Variants in EPG5 observed in about 807,000 individuals in gnomAD.
EPG5 encodes the protein ectopic P-granules 5 autophagy tethering factor, also known as ectopic P granules protein 5 homolog.
A neutral mutation model predicts 302.7 loss-of-function variants in EPG5; 159 were observed. That is an observed-to-expected ratio of 0.53 (90% CI 0.46 to 0.60). The LOEUF (loss-of-function observed/expected upper bound fraction) is 0.60, where lower values mean the gene tolerates loss of function less well. Ranked by LOEUF, EPG5 falls within the 20% of genes least tolerant of loss-of-function variation. EPG5 has a pLI of 0.00. For missense variants in EPG5, 2,896 were observed against 3,092.4 expected (o/e 0.94, Z 1.51); for synonymous variants, 1,158 against 1,136.8 (o/e 1.02, Z -0.37).
the EPG5 span, among the ~76,000 whole-genome samples, chr18:45,812,115 C>A: frequency 6.6e-6 from 1 of 152,170 alleles, no homozygotes; most frequent in Non-Finnish European, 1.5e-5. Flanking sequence ...CATTCTTATA[C>A]ACCAATAACA....
At position 45,879,123 on chromosome 18, in the gene EPG5, C is replaced by A; in HGVS notation, c.5759G>T (p.Trp1920Leu). The A allele has an allele frequency of 6.2e-7, 1 of 1,614,028 alleles. No homozygotes were observed. Among genetic ancestry groups the A allele is most frequent in the East Asian group, 2.2e-5 (1 of 44,868 alleles). Residue 1920 changes from tryptophan to leucine, a missense_variant, in exon 33 of 44, where the codon TGG (tryptophan) becomes TTG (leucine). By Grantham distance (61) the Trp-to-Leu change is moderately conservative. Coordinates refer to ENST00000282041, the MANE Select transcript of EPG5 (RefSeq NM_020964.3). The part of the protein sequence containing the change: ...DFKSFGLFSK[W>L]SPYMADVKTF... ...CTTCACATCAGCCATATAAGGACTC[C>A]ATTTTGAGAATAAACCAAAGCTTTT...
chr18:45,843,639 G>C (rs754208458), downstream of EPG5: 1 of 152,340 alleles, frequency 6.6e-6, no homozygotes, highest in South Asian at 2.1e-4. Flanking sequence ...AGCACCCTGG[G>C]AGGCCGAGGC....
chr18:45,952,471 T>C lies in EPG5; in HGVS notation c.1181A>G (p.Glu394Gly). The C allele has an allele frequency of 6.2e-7, 1 of 1,614,208 alleles. No individual in the cohort carries two copies. Among genetic ancestry groups the C allele is most frequent in the African/African-American group, 1.3e-5 (1 of 75,062 alleles). The change falls in exon 3 of 44, where the codon GAG becomes GGG. Residue 394 changes from glutamate (E) to glycine (G), a missense_variant. Around this residue, in one of 5 missense-constraint regions of EPG5, gnomAD observed 1,390 missense variants for 1,430.0 expected, o/e 0.97. Coordinates refer to ENST00000282041, the MANE Select transcript of EPG5 (RefSeq NM_020964.3). ...YTSVLSRLQV[E>G]SYIYALLSSS... is the part of the protein sequence containing the mutation. ...ACTGAGCAATGCATAGATGTAAGAC[T>C]CCACTTGCAATCTTGAGAGCACAGA...
intron 27 of EPG5, among the ~76,000 whole-genome samples, chr18:45,891,494 G>A (rs1346912755): frequency 1.3e-4 from 16 of 127,514 alleles, no homozygotes; most frequent in Admixed American, 7.9e-4. Context: ...GTGAGACTCC[G>A]TCTCAAAAAA....
At position 45,954,504 on chromosome 18, in the gene EPG5, A is replaced by G. The variant is rs1182237956; in HGVS notation, c.898T>C (p.Cys300Arg). Residue 300 changes from cysteine (C) to arginine (R), a missense_variant, in exon 2 of 44, where the codon TGT becomes CGT. Coordinates refer to ENST00000282041, the MANE Select transcript of EPG5 (RefSeq NM_020964.3). ...TCAGCCAGCAGCAGTTGCTTCCTAC[A>G]TCGTGAGTAGTTCAAAAGCAACTCA... ...FYELLLNYSR[C>R]RKQLLLAEAE... 5 of 1,614,266 alleles carry G rather than the reference A, an allele frequency of 3.1e-6. No homozygotes were observed. Among genetic ancestry groups the G allele is most frequent in the East Asian group, 2.2e-5 (1 of 44,894 alleles).
At chr18:45,877,021 T>C (rs190975482) in intron 34 of EPG5, among the ~76,000 whole-genome samples, 11 of 152,236 alleles carry the variant, frequency 7.2e-5, no homozygotes, top group African/African-American at 2.6e-4. Flanking sequence ...TGACCTCAAG[T>C]GATCCACCTG....
At chr18:45,943,019 G>C (rs2050704474) in intron 9 of EPG5, 142 bp downstream of exon 9, 1 of 750,498 alleles carries the variant, frequency 1.3e-6, no homozygotes, top group Admixed American at 2.6e-5. Flanking sequence ...CCATCTTATA[G>C]ATGGTGAAGA....
chr18:45,876,265 C>T lies in EPG5; in HGVS notation c.6020G>A (p.Cys2007Tyr). The T allele has an allele frequency of 1.2e-6, 2 of 1,613,862 alleles. No homozygotes were observed. The highest frequency in any genetic ancestry group is 4.5e-5 in the East Asian group (2 of 44,882). ...AAAACTCTCATGCAGTGAGTCAATA[C>T]AGTCAGTGAACAGCTGCACAATGCT... ...ASSIVQLFTD[C>Y]IDSLHESFKD... Residue 2007 changes from cysteine to tyrosine, a missense_variant, in exon 35 of 44, where the codon TGT becomes TAT. Cys to Tyr is a radical substitution (Grantham distance 194). This residue lies in a region of EPG5 where 620 missense variants were observed against 704.2 expected (regional missense o/e 0.88). Transcript: ENST00000282041.
intron 39 of EPG5, among the ~76,000 whole-genome samples, chr18:45,862,668 C>T (rs377433371): frequency 1.3e-5 from 2 of 152,190 alleles, no homozygotes; most frequent in African/African-American, 2.4e-5. Flanking sequence ...TCTCACTCTG[C>T]GTTCTGCCGT....
intron 25 of EPG5, among the ~76,000 whole-genome samples, chr18:45,902,270 C>T (rs560662455): frequency 5.3e-5 from 8 of 152,296 alleles, no homozygotes; most frequent in African/African-American, 1.4e-4. Context: ...AGGTCAAGTA[C>T]AGCACTATCC....
chr18:45,905,866 T>A (rs1451481568), intron 24 of EPG5, among the ~76,000 whole-genome samples: 1 of 152,192 alleles, frequency 6.6e-6, no homozygotes, highest in Admixed American at 6.5e-5. Context: ...AAGCCTTGGA[T>A]ATGGATGAGG....
Position 45,917,733 on chromosome 18 carries a change from T to C in EPG5, c.3185A>G (p.Asp1062Gly), listed in dbSNP as rs1223082350. The C allele has an allele frequency of 6.2e-7, 1 of 1,614,160 alleles. No individual in the cohort carries two copies. Residue 1062 changes from aspartate to glycine, a missense_variant, in exon 17 of 44, where the codon GAT (aspartate) becomes GGT (glycine). Coordinates refer to ENST00000282041, the MANE Select transcript of EPG5 (RefSeq NM_020964.3). ...AGGGTAAAATAAAGGCAGAATCTTA[T>C]CCAGGACATGAACCACTGTTCTCAA... ...RHLRTVVHVL[D>G]KILPLFYPCQ...
the EPG5 span, among the ~76,000 whole-genome samples, chr18:45,832,274 C>G: frequency 6.6e-6 from 1 of 152,120 alleles, no homozygotes; most frequent in Non-Finnish European, 1.5e-5. Context: ...ATAACTTGCC[C>G]AAAGATCACC....
chr18:45,966,995 T>C (rs1599672321), intron 1 of EPG5, among the ~76,000 whole-genome samples, 182 bp downstream of exon 1: 2 of 151,504 alleles, frequency 1.3e-5, no homozygotes, highest in East Asian at 3.9e-4. Flanking sequence ...CAGGGGGATA[T>C]GGAGAAGGAA....
Position 45,889,992 on chromosome 18 carries a change from C to T in EPG5, c.4810-52G>A, listed in dbSNP as rs186162998. On this transcript the variant is annotated intron_variant, in intron 27 of 43. Coordinates refer to ENST00000282041, the MANE Select transcript of EPG5 (RefSeq NM_020964.3). ...ACATTTCCCCCCATGTGTCAGGTTT[C>T]CCATGAAGACTCAAACTGAAATAAA... The T allele has an allele frequency of 1.0e-3, 1,466 of 1,445,826 alleles. 16 individuals are homozygous for T. In the African/African-American group the frequency reaches 0.014, roughly 14 times the overall value. 89.6% of individuals were successfully genotyped at this position (1,445,826 alleles called of 1,614,324 possible).
chr18:45,913,936 G>A, intron 20 of EPG5, 108 bp from the exon 21 acceptor site: 1 of 1,366,520 alleles, frequency 7.3e-7, no homozygotes, highest in East Asian at 2.4e-5. Flanking sequence ...AGCTCAATCA[G>A]CAAATATTTG....
At position 45,851,514 on chromosome 18, in the gene EPG5, T is replaced by C. The variant is rs369167413; in HGVS notation, c.*953A>G. On this transcript the variant is annotated 3_prime_UTR_variant, in exon 44 of 44. Transcript: ENST00000282041. The stretch of plus-strand genomic sequence containing the variant: ...GCAGGTCCATTGGCTTCATCTGAGT[T>C]TGAAGTTAAAAAACAAGCAGGGAAC... 8 of 152,280 alleles carry C rather than the reference T, an allele frequency of 5.3e-5. No individual in the cohort carries two copies. The highest frequency in any genetic ancestry group is 1.9e-4 in the African/African-American group (8 of 41,562). The allele number at this position is 152,280 out of a possible 1,614,324, so 9.4% of individuals were successfully genotyped here.
intron 27 of EPG5, among the ~76,000 whole-genome samples, chr18:45,897,640 G>C (rs143052335): frequency 4.6e-5 from 7 of 152,114 alleles, no homozygotes; most frequent in Admixed American, 2.6e-4. Context: ...TTTAAGAGTC[G>C]CACATATTTA....
Position 45,931,754 on chromosome 18 carries a change from GA to G in EPG5, c.2258-925del, listed in dbSNP as rs533281125. Among the ~76,000 whole-genome samples the G allele has an allele frequency of 2.2e-3, 335 of 152,202 alleles. 1 individual carries two copies. The highest frequency in any genetic ancestry group is 7.7e-3 in the African/African-American group (319 of 41,522). On this transcript the variant is annotated intron_variant, in intron 11 of 43. Coordinates refer to ENST00000282041, the MANE Select transcript of EPG5 (RefSeq NM_020964.3). ...GGAGACTGACGCAGGAGAATCACTT[GA>G]ACCTGGGAGGCGGAGGTTGCAGTGA...
Sources: gnomAD v4.1 joint callset for allele counts (sites outside exome capture counted in the v4.1 genomes callset) on GRCh38, gnomAD v4.1.1 for gene constraint, gnomAD v4.1.1 regional missense constraint, MANE v1.5 for transcripts, NCBI Gene and HGNC (gene_info 2026-07-23, HGNC 2026-07-21) for gene names.